LPP: variants seen among roughly 807,000 people sequenced by gnomAD.
LPP encodes LIM domain containing preferred translocation partner in lipoma.
Under a neutral mutation model 60.4 loss-of-function variants are expected in LPP, and 38 were observed. The ratio of observed to expected loss-of-function variants is 0.63; its 90% CI spans 0.49 to 0.83. The LOEUF (loss-of-function observed/expected upper bound fraction) is 0.83. LPP is among the 40% of genes least tolerant of loss of function. The probability of loss-of-function intolerance (pLI) is 0.00; values close to 1 mark genes in which losing one functional copy is unlikely to be tolerated. For missense variants in LPP, 902 were observed against 783.6 expected (o/e 1.15, Z -1.80); for synonymous variants, 328 against 290.8 (o/e 1.13, Z -1.30).
At chr3:188,464,697 C>G (rs1799933499) in intron 4 of LPP, among the ~76,000 whole-genome samples, 1 of 152,072 alleles carries the variant, frequency 6.6e-6, no homozygotes, top group South Asian at 2.1e-4. Flanking sequence ...AAGGATGGAT[C>G]AATACTTGTT....
chr3:188,179,019 A>G (rs1012424927), intron 1 of LPP: 1 of 303,652 alleles, frequency 3.3e-6, no homozygotes, highest in African/African-American at 2.4e-5. Context: ...AGTGAGCAAG[A>G]GAGAGGGAGG....
At chr3:188,193,712 A>T (rs1228908223) in intron 1 of LPP, among the ~76,000 whole-genome samples, 1 of 152,088 alleles carries the variant, frequency 6.6e-6, no homozygotes, top group Non-Finnish European at 1.5e-5. Context: ...GGCTATGGGA[A>T]AATGTGTGGT....
At chr3:188,663,853 A>T (rs1424763321) in intron 7 of LPP, among the ~76,000 whole-genome samples, 1 of 152,086 alleles carries the variant, frequency 6.6e-6, no homozygotes, top group African/African-American at 2.4e-5. Context: ...GGTCCCTTAC[A>T]TGCGCAGTTC....
chr3:188,359,720 A>G (rs1768713473), intron 3 of LPP, among the ~76,000 whole-genome samples: 1 of 152,172 alleles, frequency 6.6e-6, no homozygotes, highest in African/African-American at 2.4e-5. Flanking sequence ...ATGTTGTCTT[A>G]CAACTTGAGC....
chr3:188,856,072 G>C (rs13080902), intron 9 of LPP, among the ~76,000 whole-genome samples: 1 of 152,062 alleles, frequency 6.6e-6, no homozygotes, highest in Non-Finnish European at 1.5e-5. Flanking sequence ...CTTCACAGGC[G>C]TGGGTACCAG....
At chr3:188,703,828 A>G (rs920202567) in intron 7 of LPP, among the ~76,000 whole-genome samples, 1 of 152,224 alleles carries the variant, frequency 6.6e-6, no homozygotes, top group South Asian at 2.1e-4. Flanking sequence ...TTAGATTTAT[A>G]CTTGAAATGT....
At chr3:188,684,347 A>G (rs1483026656) in intron 7 of LPP, among the ~76,000 whole-genome samples, 1 of 152,170 alleles carries the variant, frequency 6.6e-6, no homozygotes, top group African/African-American at 2.4e-5. Context: ...ATTTTTGGGG[A>G]TAAAAAACTG....
intron 7 of LPP, among the ~76,000 whole-genome samples, chr3:188,687,686 G>T (rs769698012): frequency 2.1e-4 from 32 of 151,946 alleles, no homozygotes; most frequent in African/African-American, 7.5e-4. Flanking sequence ...GTAATTCAAT[G>T]ACCCTTTCTT....
chr3:188,261,215 T>C (rs972835899), intron 2 of LPP, among the ~76,000 whole-genome samples: 1 of 152,206 alleles, frequency 6.6e-6, no homozygotes, highest in African/African-American at 2.4e-5. Flanking sequence ...GCAGCACGAT[T>C]ATGGCTCACT....
At chr3:188,464,979 GAAAAAAAAA>G (rs35304055) in intron 4 of LPP, among the ~76,000 whole-genome samples, 1 of 102,974 alleles carries the variant, frequency 9.7e-6, no homozygotes, top group Non-Finnish European at 2.0e-5. Flanking sequence ...GCTTACTATG[GAAAAAAAAA>G]AAAAAAAAAG....
At chr3:188,870,747 T>C (rs1276460471) in intron 10 of LPP, among the ~76,000 whole-genome samples, 1 of 152,186 alleles carries the variant, frequency 6.6e-6, no homozygotes. Flanking sequence ...CCTCCTCGAA[T>C]TGCTATCGGA....
chr3:188,646,259 G>C (rs1369514165), intron 7 of LPP, among the ~76,000 whole-genome samples: 1 of 152,094 alleles, frequency 6.6e-6, no homozygotes, highest in Non-Finnish European at 1.5e-5. Context: ...GTCAGGGAGT[G>C]ACCAAGGATG....
intron 8 of LPP, among the ~76,000 whole-genome samples, chr3:188,742,456 G>A (rs749126915): frequency 4.6e-5 from 7 of 151,996 alleles, no homozygotes; most frequent in Admixed American, 1.3e-4. Context: ...TGACTCATCG[G>A]TAATAAATAA....
chr3:188,640,636 C>T (rs1849907038), intron 7 of LPP, among the ~76,000 whole-genome samples: 1 of 151,106 alleles, frequency 6.6e-6, no homozygotes, highest in South Asian at 2.1e-4. Context: ...ATATGGGTAT[C>T]TTTTTTACAA....
chr3:188,779,421 C>A (rs1303699311), intron 9 of LPP, among the ~76,000 whole-genome samples: 1 of 152,132 alleles, frequency 6.6e-6, no homozygotes, highest in Non-Finnish European at 1.5e-5. Flanking sequence ...CTGAATAGCA[C>A]ACGCAAGGAC....
intron 7 of LPP, among the ~76,000 whole-genome samples, chr3:188,630,275 A>G (rs1006214973): frequency 3.3e-5 from 5 of 152,198 alleles, no homozygotes; most frequent in Admixed American, 3.3e-4. Flanking sequence ...CAAATCAGCA[A>G]GCAAAAAGCA....
intron 2 of LPP, among the ~76,000 whole-genome samples, chr3:188,250,764 TTCTTTCTTTC>T (rs1728970189): frequency 8.6e-6 from 1 of 115,688 alleles, no homozygotes; most frequent in Non-Finnish European, 1.7e-5. Flanking sequence ...CTTTCTTTCT[TTCTTTCTTTC>T]TTTCTTTCTT....
chr3:188,866,084 C>T lies in LPP; in HGVS notation c.1411-116C>T, dbSNP rs1043623033. On this transcript the variant is annotated intron_variant, in intron 9 of 11. Transcript: ENST00000617246. ...TGTGGTTTGTAAATGGTGATAAATG[C>T]CTTCCTTAGAGTGGTGTGATAAGGA... The T allele has an allele frequency of 8.4e-6, 6 of 715,872 alleles. No homozygotes were observed. In the South Asian group the frequency reaches 2.4e-4, roughly 28 times the overall value. 44.3% of individuals were successfully genotyped at this position (715,872 alleles called of 1,614,324 possible). A position where few individuals can be genotyped will look rare whatever the true frequency, so the allele number is the denominator to read the frequency against.
At chr3:188,314,393 G>A (rs978174146) in intron 2 of LPP, among the ~76,000 whole-genome samples, 1 of 151,362 alleles carries the variant, frequency 6.6e-6, no homozygotes, top group Non-Finnish European at 1.5e-5. Flanking sequence ...AAAATTTTAT[G>A]TTTTTCTCTT....
Sources: allele counts gnomAD v4.1 joint callset (sites outside exome capture counted in the v4.1 genomes callset), GRCh38; gene constraint gnomAD v4.1.1; transcripts MANE v1.5; gene names NCBI Gene and HGNC (gene_info 2026-07-23, HGNC 2026-07-21).